The following GRIA1 variants were observed in gnomAD, a reference collection of about 807,000 sequenced individuals.
The protein encoded by GRIA1 is glutamate receptor 1.
Under a neutral mutation model 99.2 loss-of-function variants are expected in GRIA1, and 31 were observed. The ratio of observed to expected loss-of-function variants is 0.31; its 90% CI spans 0.23 to 0.42. The LOEUF (loss-of-function observed/expected upper bound fraction) is 0.42, where lower values mean the gene tolerates loss of function less well. Ranked by LOEUF, GRIA1 falls within the 10% of genes least tolerant of loss-of-function variation. GRIA1 has a pLI of 1.00. For missense variants in GRIA1, 782 were observed against 1,157.5 expected (o/e 0.68, Z 4.71); for synonymous variants, 438 against 432.4 (o/e 1.01, Z -0.16).
intron 5 of GRIA1, among the ~76,000 whole-genome samples, chr5:153,660,565 A>G (rs1418651212): frequency 6.6e-6 from 1 of 152,196 alleles, no homozygotes; most frequent in African/African-American, 2.4e-5. Flanking sequence ...TGTCCTGGAC[A>G]AGACAGCTTG....
chr5:153,529,896 G>C (rs1391173765), intron 2 of GRIA1, among the ~76,000 whole-genome samples: 1 of 152,054 alleles, frequency 6.6e-6, no homozygotes, highest in African/African-American at 2.4e-5. Flanking sequence ...GTAATCTTGG[G>C]CAATATGCTT....
chr5:153,685,013 A>G (rs1356815016), intron 7 of GRIA1, among the ~76,000 whole-genome samples: 1 of 151,948 alleles, frequency 6.6e-6, no homozygotes, highest in Non-Finnish European at 1.5e-5. Flanking sequence ...ACAACCCCCA[A>G]CTCTTCTTAT....
chr5:153,582,354 G>A (rs1301388903), intron 2 of GRIA1, among the ~76,000 whole-genome samples: 1 of 152,176 alleles, frequency 6.6e-6, no homozygotes, highest in Non-Finnish European at 1.5e-5. Context: ...GGTGTCTTGA[G>A]CCCTGTGAAA....
Position 153,584,628 on chromosome 5 carries a change from C to A in GRIA1, c.221-62300C>A, listed in dbSNP as rs1763316447. On this transcript the variant is annotated intron_variant, in intron 2 of 15. Coordinates refer to ENST00000285900, the MANE Select transcript of GRIA1 (RefSeq NM_000827.4). Reference sequence around the variant, plus strand: ...CTGAGGAAGACATCAATATTTATGGCCTCCTTAGGGAGTGCATATTTTTCT... The same window carrying A: ...CTGAGGAAGACATCAATATTTATGGACTCCTTAGGGAGTGCATATTTTTCT... Among the ~76,000 whole-genome samples the A allele has an allele frequency of 2.0e-5, 3 of 152,266 alleles. No individual in the cohort carries two copies. The South Asian group carries it at 6.2e-4, about 32-fold the overall frequency.
intron 2 of GRIA1, among the ~76,000 whole-genome samples, chr5:153,582,958 C>T (rs1763172425): frequency 6.6e-6 from 1 of 151,982 alleles, no homozygotes; most frequent in African/African-American, 2.4e-5. Context: ...CCACCATGCC[C>T]AGCTAATTTT....
chr5:153,650,924 A>G (rs1291500719), intron 4 of GRIA1, among the ~76,000 whole-genome samples: 1 of 143,844 alleles, frequency 7.0e-6, no homozygotes, highest in African/African-American at 2.5e-5. Context: ...AAAAAAAATT[A>G]GCTTGGTGTC....
intron 2 of GRIA1, among the ~76,000 whole-genome samples, chr5:153,557,584 A>G (rs376823137): frequency 2.0e-5 from 3 of 152,304 alleles, no homozygotes; most frequent in East Asian, 3.9e-4. Flanking sequence ...TCCCTATGCT[A>G]TAAGCTTTTC....
At chr5:153,566,755 C>T (rs184442427) in intron 2 of GRIA1, among the ~76,000 whole-genome samples, 4,797 of 110,558 alleles carry the variant, frequency 0.043, 170 homozygotes, top group African/African-American at 0.11. Flanking sequence ...TTGCTCTTGT[C>T]GCCCAGGTTG....
intron 13 of GRIA1, among the ~76,000 whole-genome samples, chr5:153,781,820 T>C (rs545103693): frequency 9.2e-5 from 14 of 152,208 alleles, no homozygotes; most frequent in Non-Finnish European, 1.6e-4. Flanking sequence ...ATTCCAAGTA[T>C]AGTATTTTCA....
At chr5:153,784,313 A>G (rs570115477) in intron 13 of GRIA1, among the ~76,000 whole-genome samples, 5 of 152,260 alleles carry the variant, frequency 3.3e-5, no homozygotes, top group African/African-American at 1.2e-4. Flanking sequence ...ATTTGATCAG[A>G]GATGAATGAG....
intron 1 of GRIA1, chr5:153,491,333 G>T: frequency 2.6e-6 from 3 of 1,164,682 alleles, no homozygotes; most frequent in Non-Finnish European, 3.2e-6. Context: ...CATTTTTAAT[G>T]TAAGTATGTA....
chr5:153,801,142 C>T (rs753736705), intron 14 of GRIA1, among the ~76,000 whole-genome samples: 7 of 152,234 alleles, frequency 4.6e-5, no homozygotes, highest in African/African-American at 1.2e-4. Context: ...CAACTTGCTG[C>T]GCTTCCTGAG....
intron 6 of GRIA1, among the ~76,000 whole-genome samples, chr5:153,675,654 A>G (rs7714611): frequency 0.72 from 108,831 of 152,044 alleles, 39,337 homozygotes; most frequent in East Asian, 0.96. Flanking sequence ...ACCGTATAAC[A>G]GAGATACTTC....
intron 2 of GRIA1, among the ~76,000 whole-genome samples, chr5:153,640,581 A>G (rs2149446052): frequency 6.6e-6 from 1 of 152,348 alleles, no homozygotes; most frequent in East Asian, 1.9e-4. Flanking sequence ...AAGGTGCTTA[A>G]CACTGTGCCC....
At chr5:153,748,967 A>G (rs1485735089) in intron 11 of GRIA1, among the ~76,000 whole-genome samples, 2 of 152,168 alleles carry the variant, frequency 1.3e-5, no homozygotes, top group Non-Finnish European at 2.9e-5. Flanking sequence ...TATACAGGCC[A>G]TGTGTCCGGA....
chr5:153,632,601 G>C (rs1044390519), intron 2 of GRIA1, among the ~76,000 whole-genome samples: 1 of 152,120 alleles, frequency 6.6e-6, no homozygotes, highest in Admixed American at 6.5e-5. Flanking sequence ...CATGTATCTA[G>C]GACTTTGGTA....
At chr5:153,563,133 G>A (rs1257571893) in intron 2 of GRIA1, among the ~76,000 whole-genome samples, 1 of 150,162 alleles carries the variant, frequency 6.7e-6, no homozygotes, top group Non-Finnish European at 1.5e-5. Context: ...CCAAGACTGT[G>A]CCACTGCACC....
chr5:153,551,296 G>A (rs1760116935), intron 2 of GRIA1, among the ~76,000 whole-genome samples: 1 of 152,024 alleles, frequency 6.6e-6, no homozygotes. Context: ...ACATTTATTT[G>A]AATGTTGTAG....
At chr5:153,654,481 C>T (rs1581409856) in intron 4 of GRIA1, among the ~76,000 whole-genome samples, 2 of 152,112 alleles carry the variant, frequency 1.3e-5, no homozygotes, top group East Asian at 3.9e-4. Context: ...GTTGAAAAGG[C>T]AGCAAACCAT....
Sources: allele counts gnomAD v4.1 joint callset (sites outside exome capture counted in the v4.1 genomes callset), GRCh38; gene constraint gnomAD v4.1.1; transcripts MANE v1.5; gene names NCBI Gene and HGNC (gene_info 2026-07-23, HGNC 2026-07-21).